The following JAZF1 variants were observed in gnomAD, a reference collection of about 807,000 sequenced individuals.
The protein encoded by JAZF1 is juxtaposed with another zinc finger protein 1.
Under a neutral mutation model 26.4 loss-of-function variants are expected in JAZF1, and 8 were observed. That is an observed-to-expected ratio of 0.30 (90% CI 0.18 to 0.55). The LOEUF is 0.55. Among genes scored for constraint, JAZF1 ranks in the 20% least tolerant of loss-of-function variants. The pLI is 0.94. For missense variants in JAZF1, 199 were observed against 322.0 expected, an observed-to-expected ratio of 0.62 and a Z score of 2.92; for synonymous variants, 126 against 122.3, an observed-to-expected ratio of 1.03 and a Z score of -0.20.
intron 4 of JAZF1, among the ~76,000 whole-genome samples, chr7:27,835,436 ATGTAAACATTATGT>A (rs1782787257): frequency 6.6e-6 from 1 of 152,224 alleles, no homozygotes; most frequent in Non-Finnish European, 1.5e-5. Context: ...CACAGCTTGA[ATGTAAACATTATGT>A]TGTGTGTCTG....
chr7:27,950,224 C>T (rs1784986382), intron 2 of JAZF1, among the ~76,000 whole-genome samples: 1 of 152,204 alleles, frequency 6.6e-6, no homozygotes, highest in African/African-American at 2.4e-5. Context: ...CAGCCAGATA[C>T]CAGAGCATTA....
At chr7:28,118,343 C>T (rs6945413) in intron 1 of JAZF1, 75,152 of 151,616 alleles carry the variant, frequency 0.5, 20,743 homozygotes, top group Non-Finnish European at 0.63. Context: ...GGTGAAGCCC[C>T]GCCTCTACTA....
intron 1 of JAZF1, among the ~76,000 whole-genome samples, chr7:28,063,411 G>A (rs6462064): frequency 0.16 from 23,721 of 151,940 alleles, 3,642 homozygotes; most frequent in African/African-American, 0.39. Context: ...TCACTTCTGC[G>A]AACTGCAATA....
At chr7:28,018,914 C>T (rs562663357) in intron 1 of JAZF1, among the ~76,000 whole-genome samples, 35 of 152,330 alleles carry the variant, frequency 2.3e-4, no homozygotes, top group African/African-American at 7.7e-4. Flanking sequence ...TCTGTCCTCA[C>T]TTGATATGGA....
chr7:28,014,475 C>A (rs1159682994), intron 1 of JAZF1, among the ~76,000 whole-genome samples: 6 of 152,190 alleles, frequency 3.9e-5, no homozygotes, highest in Non-Finnish European at 7.3e-5. Flanking sequence ...CTTTCCCATG[C>A]TGTTGTTGTG....
chr7:28,029,237 A>G (rs1434223049), intron 1 of JAZF1, among the ~76,000 whole-genome samples: 1 of 152,166 alleles, frequency 6.6e-6, no homozygotes, highest in Non-Finnish European at 1.5e-5. Context: ...TACAAAACCA[A>G]CAATTCACTT....
Position 28,045,453 on chromosome 7 carries a change from T to G in JAZF1, c.116-53472A>C, listed in dbSNP as rs970252452. Among the ~76,000 whole-genome samples, 5 of 152,146 alleles carry G rather than the reference T, an allele frequency of 3.3e-5. No individual in the cohort carries two copies. In the South Asian group the frequency reaches 8.3e-4, roughly 25 times the overall value. On this transcript the variant is annotated intron_variant, in intron 1 of 4. Coordinates refer to ENST00000283928, the MANE Select transcript of JAZF1 (RefSeq NM_175061.4). ...CTTATTTTCTGCTATATTCAAAACC[T>G]AGGGCAAAGGGGAGTGATTATATTC...
At chr7:28,113,227 A>T (rs1213251763) in intron 1 of JAZF1, among the ~76,000 whole-genome samples, 1 of 152,172 alleles carries the variant, frequency 6.6e-6, no homozygotes, top group African/African-American at 2.4e-5. Context: ...GACAGACTAC[A>T]GTATTTAGAG....
At chr7:28,042,314 T>C (rs1433779210) in intron 1 of JAZF1, among the ~76,000 whole-genome samples, 1 of 151,678 alleles carries the variant, frequency 6.6e-6, no homozygotes, top group East Asian at 1.9e-4. Context: ...GACCTTAGAG[T>C]TCCTGCTAGA....
intron 1 of JAZF1, among the ~76,000 whole-genome samples, chr7:28,014,751 G>T (rs774500981): frequency 1.3e-5 from 2 of 152,124 alleles, no homozygotes. Flanking sequence ...AATAAACCTG[G>T]GTGTTAGAGA....
At chr7:27,897,069 A>C (rs1784078994) in intron 2 of JAZF1, among the ~76,000 whole-genome samples, 1 of 150,216 alleles carries the variant, frequency 6.7e-6, no homozygotes, top group South Asian at 2.1e-4. Flanking sequence ...AGAGAAAAGC[A>C]AAGAACTAGT....
At chr7:27,932,895 T>C (rs1784706482) in intron 2 of JAZF1, among the ~76,000 whole-genome samples, 1 of 152,210 alleles carries the variant, frequency 6.6e-6, no homozygotes, top group Non-Finnish European at 1.5e-5. Flanking sequence ...TATGCTTCTT[T>C]AGGATGTTTT....
chr7:28,154,862 A>G (rs1404569493), intron 1 of JAZF1, among the ~76,000 whole-genome samples: 1 of 152,116 alleles, frequency 6.6e-6, no homozygotes, highest in Non-Finnish European at 1.5e-5. Flanking sequence ...GATAGAAGGA[A>G]AAAATGGCCT....
chr7:27,848,981 ACCAG>A (rs1783079925), intron 3 of JAZF1, among the ~76,000 whole-genome samples: 1 of 152,124 alleles, frequency 6.6e-6, no homozygotes, highest in African/African-American at 2.4e-5. Context: ...TTTCCACATC[ACCAG>A]CCTTTGTCTC....
At chr7:28,055,856 C>T (rs1010670662) in intron 1 of JAZF1, among the ~76,000 whole-genome samples, 2 of 152,194 alleles carry the variant, frequency 1.3e-5, no homozygotes, top group African/African-American at 2.4e-5. Context: ...ATATAAGCCC[C>T]ACATTCCAGA....
chr7:28,099,914 A>G (rs752645357), intron 1 of JAZF1, among the ~76,000 whole-genome samples: 1 of 152,222 alleles, frequency 6.6e-6, no homozygotes, highest in Non-Finnish European at 1.5e-5. Context: ...GGCCTGCCTC[A>G]ACACTGGAAA....
chr7:28,039,669 G>C (rs1448382715), intron 1 of JAZF1, among the ~76,000 whole-genome samples: 3 of 152,086 alleles, frequency 2.0e-5, no homozygotes, highest in Admixed American at 6.5e-5. Flanking sequence ...TGGAATTATC[G>C]CATAACTAAA....
Position 27,832,387 on chromosome 7 carries a change from A to G in JAZF1, c.*413T>C, listed in dbSNP as rs781363827. 8.8e-6 allele frequency: 2 copies of G among 227,272 alleles called. No homozygotes were observed. The allele number at this position is 227,272 out of a possible 1,614,324, so 14.1% of individuals were successfully genotyped here. On this transcript the variant is annotated 3_prime_UTR_variant, in exon 5 of 5. Coordinates refer to ENST00000283928, the MANE Select transcript of JAZF1 (RefSeq NM_175061.4). Reference sequence around the variant, plus strand: ...TGAAGGTATTATTTTGGTTTTGAACATATGTGAGTTGATGTGTTGAAAACT... The same window carrying G: ...TGAAGGTATTATTTTGGTTTTGAACGTATGTGAGTTGATGTGTTGAAAACT...
intron 2 of JAZF1, among the ~76,000 whole-genome samples, chr7:27,909,568 A>G (rs888906763): frequency 7.5e-4 from 114 of 151,292 alleles, no homozygotes; most frequent in African/African-American, 2.7e-3. Flanking sequence ...TTAGCCGGGC[A>G]TGGTGGCACA....
Sources: gnomAD v4.1 joint callset for allele counts (sites outside exome capture counted in the v4.1 genomes callset) on GRCh38, gnomAD v4.1.1 for gene constraint, MANE v1.5 for transcripts, NCBI Gene and HGNC (gene_info 2026-07-23, HGNC 2026-07-21) for gene names.